Variants in GABBR2 observed in about 807,000 individuals in gnomAD.
GABBR2 encodes the protein gamma-aminobutyric acid type B receptor subunit 2.
GABBR2 carries 23 observed loss-of-function variants against 105.6 expected under a neutral mutation model. That is an observed-to-expected ratio of 0.22 (90% CI 0.16 to 0.31). The LOEUF (loss-of-function observed/expected upper bound fraction) is 0.31. Ranked by LOEUF, GABBR2 falls within the 10% of genes least tolerant of loss-of-function variation. The pLI is 1.00. For missense variants in GABBR2, 734 were observed against 1,245.5 expected (o/e 0.59, Z 6.18); for synonymous variants, 478 against 499.7 (o/e 0.96, Z 0.58).
chr9:98,452,510 C>T (rs891763894), intron 7 of GABBR2, among the ~76,000 whole-genome samples: 1 of 152,190 alleles, frequency 6.6e-6, no homozygotes, highest in Non-Finnish European at 1.5e-5. Context: ...CCTCACTGTT[C>T]ATGGGAATAA....
intron 13 of GABBR2, among the ~76,000 whole-genome samples, chr9:98,325,028 CAA>C (rs1314817203): frequency 6.6e-6 from 1 of 152,154 alleles, no homozygotes; most frequent in African/African-American, 2.4e-5. Context: ...TGAAGAGACT[CAA>C]GTGTCTTCTC....
chr9:98,708,230 T>A (rs1830927176), intron 1 of GABBR2, among the ~76,000 whole-genome samples, 187 bp downstream of exon 1: 1 of 151,708 alleles, frequency 6.6e-6, no homozygotes, highest in Admixed American at 6.6e-5. Flanking sequence ...TTGGCAAATG[T>A]TACCAGCTGT....
At chr9:98,453,354 T>A (rs1404453418) in intron 7 of GABBR2, among the ~76,000 whole-genome samples, 1 of 152,214 alleles carries the variant, frequency 6.6e-6, no homozygotes. Flanking sequence ...TTTTCTTTTC[T>A]TTTTTTCAGA....
At position 98,604,408 on chromosome 9, in the gene GABBR2, C is replaced by T. The variant is rs370417180; in HGVS notation, c.322-26336G>A. Among the ~76,000 whole-genome samples, 89 of 152,286 alleles carry T rather than the reference C, an allele frequency of 5.8e-4. 3 individuals carry two copies. The South Asian group carries it at 0.015, about 26-fold the overall frequency. Reference sequence around the variant, plus strand: ...AGTGTCTTGGTCTCTGCTCCAACATCGCCCTCACCCTTCCTAAAATAGCCA... The same window carrying T: ...AGTGTCTTGGTCTCTGCTCCAACATTGCCCTCACCCTTCCTAAAATAGCCA... On this transcript the variant is annotated intron_variant, in intron 1 of 18. Coordinates refer to ENST00000259455, the MANE Select transcript of GABBR2 (RefSeq NM_005458.8).
chr9:98,313,914 C>G (rs940693576), intron 13 of GABBR2, among the ~76,000 whole-genome samples: 1 of 152,108 alleles, frequency 6.6e-6, no homozygotes, highest in Admixed American at 6.6e-5. Context: ...GGTGCTCCCA[C>G]GTGAAAGCAG....
chr9:98,700,398 C>T (rs1830814579), intron 1 of GABBR2, among the ~76,000 whole-genome samples: 1 of 152,158 alleles, frequency 6.6e-6, no homozygotes, highest in Admixed American at 6.5e-5. Context: ...CCAAGGCAGA[C>T]CTCAGCCAAT....
chr9:98,665,162 A>T (rs982193669), intron 1 of GABBR2, among the ~76,000 whole-genome samples: 2 of 151,318 alleles, frequency 1.3e-5, no homozygotes, highest in Admixed American at 6.6e-5. Flanking sequence ...TTAGCTACTC[A>T]GGAGGCTGAG....
At chr9:98,399,630 C>T (rs1331310877) in intron 8 of GABBR2, among the ~76,000 whole-genome samples, 1 of 152,174 alleles carries the variant, frequency 6.6e-6, no homozygotes, top group Non-Finnish European at 1.5e-5. Flanking sequence ...AGGGGGTCAC[C>T]TGCTAGGAGT....
intron 12 of GABBR2, among the ~76,000 whole-genome samples, chr9:98,365,951 T>A (rs1182894894): frequency 6.6e-6 from 1 of 152,208 alleles, no homozygotes; most frequent in Non-Finnish European, 1.5e-5. Context: ...CTGGGTTACG[T>A]CAGTACTCAC....
intron 2 of GABBR2, among the ~76,000 whole-genome samples, chr9:98,555,342 A>T (rs968567693): frequency 1.3e-5 from 2 of 152,224 alleles, no homozygotes; most frequent in African/African-American, 2.4e-5. Flanking sequence ...CATCATTCTA[A>T]AGCAGGATGT....
intron 1 of GABBR2, among the ~76,000 whole-genome samples, chr9:98,665,314 A>G (rs905407497): frequency 1.3e-5 from 2 of 152,026 alleles, no homozygotes. Flanking sequence ...CTTGCTCAAC[A>G]AAAAAAGAAA....
At chr9:98,438,260 C>T (rs1264418975) in intron 7 of GABBR2, among the ~76,000 whole-genome samples, 1 of 152,080 alleles carries the variant, frequency 6.6e-6, no homozygotes, top group Non-Finnish European at 1.5e-5. Context: ...ACTCATTCGC[C>T]ATTCACTCCT....
At chr9:98,436,041 C>T (rs991556562) in intron 7 of GABBR2, among the ~76,000 whole-genome samples, 3 of 151,522 alleles carry the variant, frequency 2.0e-5, no homozygotes, top group Non-Finnish European at 4.4e-5. Flanking sequence ...GTTGTACCCC[C>T]AGCAGCCGCC....
chr9:98,624,260 G>A (rs1588257402), intron 1 of GABBR2, among the ~76,000 whole-genome samples: 2 of 152,178 alleles, frequency 1.3e-5, no homozygotes, highest in Admixed American at 1.3e-4. Flanking sequence ...AGGAAGGCAA[G>A]CAGCAGACAG....
chr9:98,543,613 A>G (rs1168705416), intron 2 of GABBR2, among the ~76,000 whole-genome samples: 2 of 152,178 alleles, frequency 1.3e-5, no homozygotes, highest in Non-Finnish European at 2.9e-5. Flanking sequence ...CTCTGGCCTC[A>G]GCCTCCTGAG....
chr9:98,356,658 G>C (rs1379707619), intron 13 of GABBR2, among the ~76,000 whole-genome samples: 6 of 152,112 alleles, frequency 3.9e-5, no homozygotes, highest in African/African-American at 1.2e-4. Flanking sequence ...TGCACTCCTG[G>C]GTATTTATCC....
intron 13 of GABBR2, among the ~76,000 whole-genome samples, chr9:98,336,284 G>A (rs1162460487): frequency 1.3e-5 from 2 of 152,218 alleles, no homozygotes; most frequent in South Asian, 2.1e-4. Flanking sequence ...CACAGGGAGA[G>A]GAACTAGATG....
intron 1 of GABBR2, among the ~76,000 whole-genome samples, chr9:98,688,052 A>C (rs1830641730): frequency 6.6e-6 from 1 of 152,176 alleles, no homozygotes; most frequent in East Asian, 1.9e-4. Flanking sequence ...CACACTGAGC[A>C]GCAGACCTCA....
intron 13 of GABBR2, among the ~76,000 whole-genome samples, chr9:98,316,903 T>G (rs1830728323): frequency 6.6e-6 from 1 of 152,144 alleles, no homozygotes. Context: ...GGGCTGAGAT[T>G]AAACCCAGGC....
Sources: gnomAD v4.1 joint callset for allele counts (sites outside exome capture counted in the v4.1 genomes callset) on GRCh38, gnomAD v4.1.1 for gene constraint, MANE v1.5 for transcripts, NCBI Gene and HGNC (gene_info 2026-07-23, HGNC 2026-07-21) for gene names.